The following EDIL3 variants were observed in gnomAD, a reference collection of about 807,000 sequenced individuals.
EDIL3 encodes the protein EGF-like repeat and discoidin I-like domain-containing protein 3.
Under a neutral mutation model 67.4 loss-of-function variants are expected in EDIL3, and 37 were observed. The ratio of observed to expected loss-of-function variants is 0.55; its 90% confidence interval spans 0.42 to 0.72. The LOEUF is 0.72. Ranked by LOEUF, EDIL3 falls within the 30% of genes least tolerant of loss-of-function variation. The pLI, the probability that EDIL3 is intolerant of heterozygous loss-of-function variation, is 0.00. For missense variants in EDIL3, 527 were observed against 586.3 expected, an observed-to-expected ratio of 0.90 and a Z score of 1.04; for synonymous variants, 195 against 196.3, an observed-to-expected ratio of 0.99 and a Z score of 0.05.
intron 5 of EDIL3, among the ~76,000 whole-genome samples, chr5:84,136,114 T>G (rs181422512): frequency 2.4e-4 from 37 of 152,264 alleles, no homozygotes; most frequent in African/African-American, 8.4e-4. Flanking sequence ...ATATTCATGT[T>G]TATATTATAC....
intron 9 of EDIL3, among the ~76,000 whole-genome samples, chr5:83,983,152 G>T (rs907288827): frequency 6.6e-6 from 1 of 152,082 alleles, no homozygotes; most frequent in Non-Finnish European, 1.5e-5. Flanking sequence ...TGCTCCCAAC[G>T]ATCAGTTTAT....
rs1746606683 is a variant in EDIL3 at position 84,064,816 on chromosome 5, GTGT to G, written c.833_835del (p.Asn278del). ...GGGTGTGAAAGAGTTAGCATATGGA[GTGT>G]TGTTATCAATGTTTCCACGAAACAC... is the stretch of plus-strand genomic sequence containing the variant. On this transcript the variant is annotated inframe_deletion, in exon 8 of 11. Coordinates refer to ENST00000296591, the MANE Select transcript of EDIL3 (RefSeq NM_005711.5). The G allele has an allele frequency of 6.2e-7, 1 of 1,612,550 alleles. No homozygotes were observed. The highest frequency in any genetic ancestry group is 8.5e-7 in the Non-Finnish European group (1 of 1,179,396).
intron 9 of EDIL3, among the ~76,000 whole-genome samples, chr5:84,036,338 C>G (rs1405267343): frequency 6.6e-6 from 1 of 152,124 alleles, no homozygotes; most frequent in Non-Finnish European, 1.5e-5. Flanking sequence ...ACTGTAGACA[C>G]CATACTCTCC....
intron 4 of EDIL3, among the ~76,000 whole-genome samples, chr5:84,147,531 A>C (rs972095078): frequency 6.6e-6 from 1 of 151,854 alleles, no homozygotes; most frequent in African/African-American, 2.4e-5. Context: ...AATTAATACC[A>C]CTTTTGAAGA....
intron 3 of EDIL3, among the ~76,000 whole-genome samples, chr5:84,209,126 CA>C (rs1179434723): frequency 6.7e-6 from 1 of 149,938 alleles, no homozygotes; most frequent in Non-Finnish European, 1.5e-5. Context: ...ATCGCAAGGA[CA>C]AAAAACCAAA....
chr5:84,380,021 T>C (rs367734004), intron 1 of EDIL3, among the ~76,000 whole-genome samples: 10 of 152,058 alleles, frequency 6.6e-5, no homozygotes, highest in South Asian at 2.1e-4. Context: ...GTATTTTCAG[T>C]GACAAGTGGT....
chr5:84,213,380 C>G (rs1242406329), intron 3 of EDIL3, among the ~76,000 whole-genome samples: 1 of 152,182 alleles, frequency 6.6e-6, no homozygotes, highest in African/African-American at 2.4e-5. Flanking sequence ...TCCCAACACA[C>G]TTAAACACTA....
chr5:84,060,672 T>C (rs1000002658), intron 8 of EDIL3, among the ~76,000 whole-genome samples, 188 bp from the exon 9 acceptor site: 5 of 152,242 alleles, frequency 3.3e-5, no homozygotes, highest in East Asian at 3.9e-4. Context: ...AACAAGATAG[T>C]CAATTCAAGC....
At chr5:84,009,198 A>G (rs1745476589) in intron 9 of EDIL3, among the ~76,000 whole-genome samples, 1 of 142,894 alleles carries the variant, frequency 7.0e-6, no homozygotes, top group African/African-American at 3.0e-5. Flanking sequence ...TTCCCAAAAT[A>G]AAAAAAAATA....
At chr5:84,384,007 C>G (rs1580116330) in intron 1 of EDIL3, among the ~76,000 whole-genome samples, 1 of 152,128 alleles carries the variant, frequency 6.6e-6, no homozygotes, top group East Asian at 1.9e-4. Context: ...ACCCAGTGGC[C>G]GAGTGAGCCA....
chr5:84,272,750 C>G (rs933457655), intron 1 of EDIL3, among the ~76,000 whole-genome samples: 1 of 152,128 alleles, frequency 6.6e-6, no homozygotes, highest in Admixed American at 6.5e-5. Flanking sequence ...TGAATTTAGA[C>G]AGCTGGAGAG....
intron 6 of EDIL3, among the ~76,000 whole-genome samples, chr5:84,068,729 GCTCA>G (rs910107716): frequency 6.6e-6 from 1 of 152,082 alleles, no homozygotes; most frequent in Non-Finnish European, 1.5e-5. Flanking sequence ...ACAGGCTCAG[GCTCA>G]CTAAGTTTTA....
chr5:83,974,916 T>C (rs1349277527), intron 9 of EDIL3, among the ~76,000 whole-genome samples: 2 of 152,040 alleles, frequency 1.3e-5, no homozygotes, highest in Non-Finnish European at 2.9e-5. Context: ...TAGGTCCTAA[T>C]ATCTATTTCC....
chr5:84,055,078 C>T (rs1162912198), intron 9 of EDIL3, among the ~76,000 whole-genome samples: 1 of 146,194 alleles, frequency 6.8e-6, no homozygotes, highest in Non-Finnish European at 1.5e-5. Context: ...GCTACAGTAA[C>T]CAAAACAGCA....
intron 1 of EDIL3, among the ~76,000 whole-genome samples, chr5:84,311,287 A>T (rs1276146014): frequency 7.0e-6 from 1 of 142,874 alleles, no homozygotes; most frequent in Non-Finnish European, 1.5e-5. Context: ...GTACCAATGT[A>T]CCCTCCCACT....
At chr5:84,285,897 T>C (rs1291008971) in intron 1 of EDIL3, among the ~76,000 whole-genome samples, 1 of 152,190 alleles carries the variant, frequency 6.6e-6, no homozygotes, top group Admixed American at 6.5e-5. Context: ...GCCAGTGCTT[T>C]ATATGGAAAT....
intron 9 of EDIL3, among the ~76,000 whole-genome samples, chr5:84,016,799 G>T (rs549468419): frequency 6.6e-6 from 1 of 152,078 alleles, no homozygotes; most frequent in South Asian, 2.1e-4. Context: ...AACACTCCTG[G>T]TTCCAAGTGT....
Position 84,220,184 on chromosome 5 carries a change from A to G in EDIL3, c.226+9671T>C, listed in dbSNP as rs141279354. On this transcript the variant is annotated intron_variant, in intron 3 of 10. Coordinates refer to ENST00000296591, the MANE Select transcript of EDIL3 (RefSeq NM_005711.5). ...CCCCACTTTCTGTGATGGGATTATT[A>G]CACATTGTATGCCTGAATGAAAATA... is the stretch of plus-strand genomic sequence containing the variant. Among the ~76,000 whole-genome samples, 525 of 152,320 alleles carry G rather than the reference A, an allele frequency of 3.4e-3. 2 individuals are homozygous for G. The highest frequency in any genetic ancestry group is 5.0e-3 in the Non-Finnish European group (341 of 68,020).
intron 2 of EDIL3, among the ~76,000 whole-genome samples, chr5:84,248,539 C>T (rs112057075): frequency 1.3e-5 from 2 of 152,172 alleles, no homozygotes; most frequent in Admixed American, 6.5e-5. Flanking sequence ...TAGACAGACT[C>T]ATCCATTCCC....
Sources: gnomAD v4.1 joint callset for allele counts (sites outside exome capture counted in the v4.1 genomes callset) on GRCh38, gnomAD v4.1.1 for gene constraint, MANE v1.5 for transcripts, NCBI Gene and HGNC (gene_info 2026-07-23, HGNC 2026-07-21) for gene names.